Variants in SRBD1 observed in about 807,000 individuals in gnomAD.
SRBD1 encodes the protein S1 RNA-binding domain-containing protein 1.
A neutral mutation model predicts 115.3 loss-of-function variants in SRBD1; 88 were observed. That is an observed-to-expected ratio of 0.76 (90% CI 0.64 to 0.91). The LOEUF (loss-of-function observed/expected upper bound fraction) is 0.91, where lower values mean the gene tolerates loss of function less well. Among genes scored for constraint, SRBD1 ranks in the 40% least tolerant of loss-of-function variants. SRBD1 has a pLI of 0.00. For synonymous variants in SRBD1, 509 were observed against 407.7 expected (o/e 1.25, Z -2.99); for missense variants, 1,385 against 1,177.4 (o/e 1.18, Z -2.58).
chr2:45,446,040 G>A (rs1452307557), intron 16 of SRBD1, among the ~76,000 whole-genome samples: 1 of 152,170 alleles, frequency 6.6e-6, no homozygotes, highest in East Asian at 1.9e-4. Flanking sequence ...ACACAGTTAA[G>A]TGGCTCCTGT....
chr2:45,499,797 T>G (rs916663215), intron 14 of SRBD1, among the ~76,000 whole-genome samples: 9 of 152,122 alleles, frequency 5.9e-5, no homozygotes, highest in African/African-American at 2.2e-4. Context: ...TCAAAATGAG[T>G]TGACTCCACG....
chr2:45,539,987 A>G (rs559227192), intron 14 of SRBD1, among the ~76,000 whole-genome samples: 2 of 152,340 alleles, frequency 1.3e-5, no homozygotes, highest in African/African-American at 4.8e-5. Context: ...GAAAAAAGTG[A>G]CAGAATCATC....
chr2:45,556,870 C>G (rs911008019), intron 10 of SRBD1, among the ~76,000 whole-genome samples: 1 of 152,114 alleles, frequency 6.6e-6, no homozygotes, highest in African/African-American at 2.4e-5. Context: ...TGTGAGTTAA[C>G]ATAAGCAAGG....
chr2:45,601,848 C>A, intron 3 of SRBD1, 55 bp downstream of exon 3: 1 of 1,583,000 alleles, frequency 6.3e-7, no homozygotes, highest in Non-Finnish European at 8.6e-7. Flanking sequence ...AAGAAAATAA[C>A]ATCACCAATC....
chr2:45,475,816 AG>A (rs900859305), intron 16 of SRBD1, among the ~76,000 whole-genome samples: 2 of 152,200 alleles, frequency 1.3e-5, no homozygotes, highest in Non-Finnish European at 2.9e-5. Flanking sequence ...GTCCTGCCTC[AG>A]CCTTCCACGT....
chr2:45,580,676 C>CAT (rs1673330836), intron 6 of SRBD1, among the ~76,000 whole-genome samples: 3 of 76,350 alleles, frequency 3.9e-5, no homozygotes, highest in Admixed American at 2.9e-4. Flanking sequence ...TCTTCTACTT[C>CAT]TTTTTTTTTT....
intron 9 of SRBD1, chr2:45,567,850 A>T (rs148634440): frequency 6.6e-6 from 1 of 152,346 alleles, no homozygotes; most frequent in East Asian, 1.9e-4. Flanking sequence ...TCCGATTTAC[A>T]TAAGTATACC....
intron 16 of SRBD1, among the ~76,000 whole-genome samples, chr2:45,431,745 C>T (rs950097231): frequency 1.3e-5 from 2 of 152,022 alleles, no homozygotes; most frequent in Non-Finnish European, 1.5e-5. Flanking sequence ...CCTGCATGTG[C>T]TGTACATGTA....
intron 8 of SRBD1, 65 bp downstream of exon 8, chr2:45,574,562 C>T (rs1197858223): frequency 6.8e-7 from 1 of 1,464,372 alleles, no homozygotes; most frequent in Admixed American, 2.1e-5. Flanking sequence ...GGTATTAGCA[C>T]TAACCGTGTG....
At chr2:45,439,611 C>G (rs1424643221) in intron 16 of SRBD1, among the ~76,000 whole-genome samples, 3 of 151,422 alleles carry the variant, frequency 2.0e-5, no homozygotes, top group Non-Finnish European at 4.4e-5. Flanking sequence ...AGAAAAGGAA[C>G]AAGAAATGAT....
At chr2:45,553,130 A>T (rs1672355856) in intron 11 of SRBD1, among the ~76,000 whole-genome samples, 1 of 152,174 alleles carries the variant, frequency 6.6e-6, no homozygotes, top group Admixed American at 6.5e-5. Flanking sequence ...CCTGAAAACA[A>T]TTCTGCACCT....
chr2:45,541,773 C>T (rs1671947342), intron 14 of SRBD1, among the ~76,000 whole-genome samples: 1 of 152,230 alleles, frequency 6.6e-6, no homozygotes, highest in Non-Finnish European at 1.5e-5. Flanking sequence ...AGAGAGCAGA[C>T]CCAAAGTGGG....
At chr2:45,599,983 G>C in intron 3 of SRBD1, 148 bp from the exon 4 acceptor site, 1 of 957,758 alleles carries the variant, frequency 1.0e-6, no homozygotes, top group Non-Finnish European at 1.5e-6. Context: ...GGGAAAAAAA[G>C]CCAATCTCAA....
chr2:45,560,741 T>C (rs1672635434), intron 10 of SRBD1, among the ~76,000 whole-genome samples: 1 of 152,220 alleles, frequency 6.6e-6, no homozygotes, highest in South Asian at 2.1e-4. Flanking sequence ...GCATTTCTTT[T>C]AGGCATACAT....
chr2:45,580,329 T>C (rs1428628582), intron 6 of SRBD1, among the ~76,000 whole-genome samples: 2 of 152,076 alleles, frequency 1.3e-5, no homozygotes, highest in Admixed American at 1.3e-4. Flanking sequence ...CACATAATTC[T>C]ACTTCTTCGT....
chr2:45,532,444 C>CT (rs1671641954), intron 14 of SRBD1, among the ~76,000 whole-genome samples: 1 of 151,792 alleles, frequency 6.6e-6, no homozygotes, highest in Non-Finnish European at 1.5e-5. Context: ...AATTACAGCA[C>CT]TGTAGGTACC....
chr2:45,515,175 G>C (rs73927516), intron 14 of SRBD1, among the ~76,000 whole-genome samples: 1,812 of 152,224 alleles, frequency 0.012, 29 homozygotes, highest in African/African-American at 0.034. Context: ...AGAATTAAAG[G>C]AGATTTATTA....
chr2:45,595,238 A>G (rs1468640512), intron 4 of SRBD1, among the ~76,000 whole-genome samples: 1 of 152,252 alleles, frequency 6.6e-6, no homozygotes, highest in Non-Finnish European at 1.5e-5. Flanking sequence ...AAAAATCTGT[A>G]GTTTTCAGAG....
intron 6 of SRBD1, 150 bp downstream of exon 6, chr2:45,581,543 A>C (rs1449002834): frequency 1.7e-6 from 1 of 600,356 alleles, no homozygotes; most frequent in Non-Finnish European, 2.8e-6. Context: ...CTCTATAAAT[A>C]TTTATTGAAT....
Sources: gnomAD v4.1 joint callset for allele counts (sites outside exome capture counted in the v4.1 genomes callset) on GRCh38, gnomAD v4.1.1 for gene constraint, MANE v1.5 for transcripts, NCBI Gene and HGNC (gene_info 2026-07-23, HGNC 2026-07-21) for gene names.